Variants in DOCK3 observed in about 807,000 individuals in gnomAD.
DOCK3 encodes the protein dedicator of cytokinesis 3.
In DOCK3, 60 loss-of-function variants were observed where a neutral mutation model predicts 265.6. The ratio of observed to expected loss-of-function variants is 0.23; its 90% confidence interval spans 0.18 to 0.28. DOCK3 has a LOEUF of 0.28. Among genes scored for constraint, DOCK3 ranks in the 10% least tolerant of loss-of-function variants. The pLI is 1.00. For synonymous variants in DOCK3, 881 were observed against 938.0 expected (o/e 0.94, Z 1.11); for missense variants, 1,981 against 2,594.3 (o/e 0.76, Z 5.14).
At chr3:50,936,553 GAAGGT>G (rs2051372517) in intron 5 of DOCK3, among the ~76,000 whole-genome samples, 1 of 152,132 alleles carries the variant, frequency 6.6e-6, no homozygotes. Context: ...AAGAAATCTT[GAAGGT>G]AGCTAGAGGA....
intron 5 of DOCK3, among the ~76,000 whole-genome samples, chr3:50,996,366 T>TACC (rs1217047530): frequency 4.6e-5 from 7 of 151,804 alleles, no homozygotes; most frequent in Non-Finnish European, 1.0e-4. Context: ...TACAGACGCC[T>TACC]ACCACCACGC....
intron 24 of DOCK3, among the ~76,000 whole-genome samples, chr3:51,272,746 G>T (rs1181344218): frequency 6.6e-6 from 1 of 151,798 alleles, no homozygotes; most frequent in African/African-American, 2.4e-5. Flanking sequence ...TTTCCACCAG[G>T]AACTGTTTAT....
intron 10 of DOCK3, among the ~76,000 whole-genome samples, chr3:51,156,646 T>A (rs2085867528): frequency 6.6e-6 from 1 of 152,226 alleles, no homozygotes; most frequent in East Asian, 1.9e-4. Context: ...ATTGTCTTAT[T>A]TCTATTGATG....
intron 23 of DOCK3, among the ~76,000 whole-genome samples, chr3:51,267,385 C>CTT (rs111513994): frequency 1.2e-4 from 16 of 136,676 alleles, no homozygotes; most frequent in African/African-American, 2.4e-4. Flanking sequence ...TTTTTTCTTT[C>CTT]TTTTTTTTTT....
Position 50,785,129 on chromosome 3 carries a change from C to A in DOCK3, c.121+6371C>A, listed in dbSNP as rs527401549. Among the ~76,000 whole-genome samples the A allele has an allele frequency of 2.4e-4, 36 of 152,274 alleles. 1 individual carries two copies. In the South Asian group the frequency reaches 7.5e-3, roughly 32 times the overall value. Reference sequence around the variant, plus strand: ...CTGAGATTGTGCCATTGCACTCCAGCCTGAGCGACAAGAGCAAAACTCCAT... The same window carrying A: ...CTGAGATTGTGCCATTGCACTCCAGACTGAGCGACAAGAGCAAAACTCCAT... On this transcript the variant is annotated intron_variant, in intron 2 of 52. Transcript: ENST00000266037.
chr3:51,210,884 G>A (rs2089461946), intron 13 of DOCK3, among the ~76,000 whole-genome samples: 1 of 152,172 alleles, frequency 6.6e-6, no homozygotes, highest in Non-Finnish European at 1.5e-5. Context: ...TGAGTGCTGA[G>A]AGTAAATGTA....
chr3:51,087,046 A>G (rs542365201), intron 7 of DOCK3, among the ~76,000 whole-genome samples: 1 of 152,350 alleles, frequency 6.6e-6, no homozygotes, highest in South Asian at 2.1e-4. Flanking sequence ...TACCAAACTT[A>G]TAAGGAAGAA....
At chr3:51,251,737 G>T (rs1026589610) in intron 22 of DOCK3, among the ~76,000 whole-genome samples, 3 of 152,136 alleles carry the variant, frequency 2.0e-5, no homozygotes, top group Non-Finnish European at 4.4e-5. Flanking sequence ...ATTTGTTTAA[G>T]TTCTTTGTAG....
intron 23 of DOCK3, among the ~76,000 whole-genome samples, chr3:51,263,871 C>T (rs1009649141): frequency 6.6e-6 from 1 of 152,128 alleles, no homozygotes; most frequent in Non-Finnish European, 1.5e-5. Context: ...TGCTAATTAT[C>T]CAAAATATAT....
chr3:51,306,609 T>G (rs2082705118), intron 27 of DOCK3, among the ~76,000 whole-genome samples: 1 of 152,248 alleles, frequency 6.6e-6, no homozygotes, highest in African/African-American at 2.4e-5. Flanking sequence ...TTCTTTTTGT[T>G]TTTCCTACTT....
chr3:51,144,164 A>G (rs1349228019), intron 9 of DOCK3, among the ~76,000 whole-genome samples: 1 of 152,228 alleles, frequency 6.6e-6, no homozygotes, highest in Non-Finnish European at 1.5e-5. Flanking sequence ...GGGTTATCCC[A>G]TATTTTAACA....
chr3:51,171,882 T>C (rs2086698584), intron 12 of DOCK3, among the ~76,000 whole-genome samples: 1 of 152,216 alleles, frequency 6.6e-6, no homozygotes. Context: ...ATTTCATTAT[T>C]GATTTTCTGT....
rs748422459 is a variant in DOCK3, at chr3:51,376,769, C to T, written c.5500+934C>T. On this transcript the variant is annotated intron_variant, in intron 51 of 52. Coordinates refer to ENST00000266037, the MANE Select transcript of DOCK3 (RefSeq NM_004947.5). ...GTTCATCGAGTGCTATGTGCTGTCC[C>T]CACTGTTATGCTCCGCCTTTGCTCA... Among the ~76,000 whole-genome samples, 3 of 152,198 alleles carry T rather than the reference C, an allele frequency of 2.0e-5. No homozygotes were observed. In the South Asian group the frequency reaches 6.2e-4, roughly 31 times the overall value.
At chr3:50,751,414 C>T (rs757708881) in intron 1 of DOCK3, among the ~76,000 whole-genome samples, 1 of 152,102 alleles carries the variant, frequency 6.6e-6, no homozygotes, top group African/African-American at 2.4e-5. Flanking sequence ...TAATGCTCTC[C>T]CTCCCCTTCC....
intron 27 of DOCK3, among the ~76,000 whole-genome samples, chr3:51,304,501 A>C (rs575699933): frequency 1.3e-5 from 2 of 152,050 alleles, no homozygotes; most frequent in Non-Finnish European, 2.9e-5. Context: ...ATGGCTGCCA[A>C]CCCTCACTTG....
chr3:51,061,688 T>G (rs1240237904), intron 5 of DOCK3, among the ~76,000 whole-genome samples: 2 of 151,728 alleles, frequency 1.3e-5, no homozygotes, highest in African/African-American at 4.8e-5. Flanking sequence ...GTTGTGAACA[T>G]GTACCCTAAA....
intron 9 of DOCK3, among the ~76,000 whole-genome samples, chr3:51,124,954 AC>A (rs2084200542): frequency 7.4e-6 from 1 of 135,632 alleles, no homozygotes; most frequent in South Asian, 2.6e-4. Flanking sequence ...ACATGGTGAA[AC>A]CCTGTCTCTA....
intron 4 of DOCK3, among the ~76,000 whole-genome samples, chr3:50,923,191 C>T (rs1213410159): frequency 1.3e-5 from 2 of 152,072 alleles, no homozygotes; most frequent in Non-Finnish European, 2.9e-5. Flanking sequence ...AGCTTGGTTC[C>T]ACATTTTTGC....
chr3:51,333,061 A>G (rs1298891309), intron 34 of DOCK3, 34 bp downstream of exon 34: 3 of 1,613,960 alleles, frequency 1.9e-6, no homozygotes, highest in Non-Finnish European at 2.5e-6. Flanking sequence ...TGCTGTCTCC[A>G]GATCCATCAC....
Sources: allele counts gnomAD v4.1 joint callset (sites outside exome capture counted in the v4.1 genomes callset), GRCh38; gene constraint gnomAD v4.1.1; transcripts MANE v1.5; gene names NCBI Gene and HGNC (gene_info 2026-07-23, HGNC 2026-07-21).